Variants in CITED2 observed in about 807,000 individuals in gnomAD.
The protein encoded by CITED2 is cbp/p300-interacting transactivator 2.
In CITED2, 2 loss-of-function variants were observed where a neutral mutation model predicts 11.8. The observed-to-expected ratio is 0.17, with a 90% CI of 0.07 to 0.54. The LOEUF (loss-of-function observed/expected upper bound fraction) is 0.54, where lower values mean the gene tolerates loss of function less well. Ranked by LOEUF, CITED2 falls within the 20% of genes least tolerant of loss-of-function variation. CITED2 has a pLI of 0.94. For synonymous variants in CITED2, 210 were observed against 153.0 expected (o/e 1.37, Z -2.75); for missense variants, 437 against 390.2 (o/e 1.12, Z -1.01).
At chr6:139,374,090 T>C in intron 1 of CITED2, 138 bp from the exon 2 acceptor site, 1 of 1,515,166 alleles carries the variant, frequency 6.6e-7, no homozygotes, top group Non-Finnish European at 8.8e-7. Flanking sequence ...AAGATCCCAC[T>C]AACAGCCTGT....
chr6:139,372,662 C>G lies in CITED2; in HGVS notation c.*470G>C. 1 of 191,264 alleles carries G rather than the reference C, an allele frequency of 5.2e-6. No individual in the cohort carries two copies. The highest frequency in any genetic ancestry group is 1.1e-5 in the Non-Finnish European group (1 of 89,634). The allele number at this position is 191,264 out of a possible 1,614,324, so 11.8% of individuals were successfully genotyped here. Reference sequence around the variant, plus strand: ...CAAATGCATAGTTAAAAAAATGAAGCGAGATGGCAGTTTGTGCAGTAATAT... The same window carrying G: ...CAAATGCATAGTTAAAAAAATGAAGGGAGATGGCAGTTTGTGCAGTAATAT... On this transcript the variant is annotated 3_prime_UTR_variant, in exon 2 of 2. Coordinates refer to ENST00000367651, the MANE Select transcript of CITED2 (RefSeq NM_006079.5).
intron 1 of CITED2, 87 bp from the exon 2 acceptor site, chr6:139,374,039 C>T: frequency 6.5e-7 from 1 of 1,529,454 alleles, no homozygotes. Context: ...CTCTGCCCCC[C>T]AGGATTCCCG....
chr6:139,373,979 G>A (rs752938763), intron 1 of CITED2, 27 bp from the exon 2 acceptor site: 6 of 1,583,184 alleles, frequency 3.8e-6, no homozygotes, highest in Non-Finnish European at 3.4e-6. Context: ...CAGATAATGA[G>A]ACCCGCGCCA....
chr6:139,373,166 A>G lies in CITED2; in HGVS notation c.779T>C (p.Val260Ala). 2 of 1,614,228 alleles carry G rather than the reference A, an allele frequency of 1.2e-6. No homozygotes were observed. The part of the protein sequence containing the change: ...QNEFDFMTDF[V>A]CKQQPSRVSC ...CACTCTGCTGGGCTGCTGTTTGCAC[A>G]CGAAGTCCGTCATAAAATCAAACTC... Residue 260 changes from valine to alanine, a missense_variant, in exon 2 of 2, where the codon GTG becomes GCG. Around this residue, in one of 3 missense-constraint regions of CITED2, gnomAD observed 21 missense variants for 20.5 expected, o/e 1.03. Transcript: ENST00000367651.
chr6:139,373,129 G>A lies in CITED2; in HGVS notation c.*3C>T, dbSNP rs760240926. 1 of 1,613,610 alleles carries A rather than the reference G, an allele frequency of 6.2e-7. No homozygotes were observed. The highest frequency in any genetic ancestry group is 8.5e-7 in the Non-Finnish European group (1 of 1,179,540). ...GATTTCTTTCGCCGGGGTTTCGATC[G>A]AGTCAACAGCTCACTCTGCTGGGCT... On this transcript the variant is annotated 3_prime_UTR_variant, in exon 2 of 2. Transcript: ENST00000367651.
At chr6:139,374,140 A>G in intron 1 of CITED2, 188 bp from the exon 2 acceptor site, 1 of 1,472,340 alleles carries the variant, frequency 6.8e-7, no homozygotes, top group Non-Finnish European at 9.0e-7. Flanking sequence ...ACCACTCATA[A>G]CACAGCCGGA....
rs776765778 is a variant in CITED2 at position 139,373,441 on chromosome 6, G to A, written c.504C>T (p.Gly168=). The A allele has an allele frequency of 2.6e-6, 4 of 1,530,246 alleles. No individual in the cohort carries two copies. Among genetic ancestry groups the A allele is most frequent in the South Asian group, 2.6e-5 (2 of 76,626 alleles). 94.8% of individuals were successfully genotyped at this position (1,530,246 alleles called of 1,614,324 possible). A position where few individuals can be genotyped will look rare whatever the true frequency, so the allele number is the denominator to read the frequency against. The stretch of plus-strand genomic sequence containing the variant: ...CGGGGGTGCTGCTGCCGCCCGAGCC[G>A]CCGGGGGTGCTGCTGCCGCCGCTGT... ...PKHSGGSSTP[G]GSGGSSTPGG... Residue 168 remains glycine, a synonymous_variant, in exon 2 of 2, where the codon GGC becomes GGT. Coordinates refer to ENST00000367651, the MANE Select transcript of CITED2 (RefSeq NM_006079.5).
chr6:139,373,294 G>C lies in CITED2; in HGVS notation c.651C>G (p.Val217=). The change falls in exon 2 of 2, where the codon GTC becomes GTG. Residue 217 remains valine, a synonymous_variant. Transcript: ENST00000367651. ...CCTCGTCGATGAAATCAGTGTCTAT[G>C]ACATTGGGCGGCAGCATTGCAGCGG... The part of the protein sequence containing the change: ...HVPAAMLPPN[V]IDTDFIDEEV... The C allele has an allele frequency of 1.2e-6, 2 of 1,613,842 alleles. No homozygotes were observed. Among genetic ancestry groups the C allele is most frequent in the Non-Finnish European group, 8.5e-7 (1 of 1,180,030 alleles).
Position 139,372,326 on chromosome 6 carries a change from A to T in CITED2, c.*806T>A, listed in dbSNP as rs1778259525. 3 of 152,668 alleles carry T rather than the reference A, an allele frequency of 2.0e-5. No individual in the cohort carries two copies. The South Asian group carries it at 6.2e-4, about 32-fold the overall frequency. The allele number at this position is 152,668 out of a possible 1,614,324, so 9.5% of individuals were successfully genotyped here. On this transcript the variant is annotated 3_prime_UTR_variant, in exon 2 of 2. Transcript: ENST00000367651. ...AATTAACAAGTATTTTTTCAAAAAA[A>T]TGTTTTGTACAAAAATACTGTCAAA...
Position 139,372,674 on chromosome 6 carries a change from T to G in CITED2, c.*458A>C, listed in dbSNP as rs1290113193. 1.0e-5 allele frequency: 2 copies of G among 200,824 alleles called. No individual in the cohort carries two copies. The highest frequency in any genetic ancestry group is 2.1e-5 in the Non-Finnish European group (2 of 95,190). The allele number at this position is 200,824 out of a possible 1,614,324, so 12.4% of individuals were successfully genotyped here. ...TAAAAAAATGAAGCGAGATGGCAGT[T>G]TGTGCAGTAATATCTGCCCTTCGAA... On this transcript the variant is annotated 3_prime_UTR_variant, in exon 2 of 2. Transcript: ENST00000367651.
chr6:139,373,123 T>G lies in CITED2; in HGVS notation c.*9A>C, dbSNP rs558888989. ...GGGTTTGATTTCTTTCGCCGGGGTTTCGATCGAGTCAACAGCTCACTCTGC... is the reference window on the plus strand; with the variant it reads ...GGGTTTGATTTCTTTCGCCGGGGTTGCGATCGAGTCAACAGCTCACTCTGC... On this transcript the variant is annotated 3_prime_UTR_variant, in exon 2 of 2. Coordinates refer to ENST00000367651, the MANE Select transcript of CITED2 (RefSeq NM_006079.5). 1.9e-6 allele frequency: 3 copies of G among 1,613,278 alleles called. No homozygotes were observed.
intron 1 of CITED2, 149 bp downstream of exon 1, chr6:139,374,264 T>C (rs566364282): frequency 7.9e-7 from 1 of 1,265,030 alleles, no homozygotes; most frequent in Non-Finnish European, 1.1e-6. Flanking sequence ...TGCTGCGAAC[T>C]TCAGGCATTA....
In CITED2 at chr6:139,373,034, G is replaced by C; in HGVS notation, c.*98C>G. On this transcript the variant is annotated 3_prime_UTR_variant, in exon 2 of 2. Transcript: ENST00000367651. The stretch of plus-strand genomic sequence containing the variant: ...GTTTCCAAGTTCTCAAACCTTTCAA[G>C]ATCTGAAAAGTGAGATACTGTGTCT... The C allele has an allele frequency of 8.4e-7, 1 of 1,187,066 alleles. No individual in the cohort carries two copies. The highest frequency in any genetic ancestry group is 1.3e-6 in the Non-Finnish European group (1 of 792,620). The allele number at this position is 1,187,066 out of a possible 1,614,324, so 73.5% of individuals were successfully genotyped here.
rs781539667 is a variant in CITED2 at position 139,373,549 on chromosome 6, G to A, written c.396C>T (p.Asn132=). 1 of 1,614,136 alleles carries A rather than the reference G, an allele frequency of 6.2e-7. No individual in the cohort carries two copies. The highest frequency in any genetic ancestry group is 8.5e-7 in the Non-Finnish European group (1 of 1,179,988). ...QYFNHHPYPH[N]HYMPDLHPAA... is the part of the protein sequence containing the mutation. Reference sequence around the variant, plus strand: ...CAGGGTGCAAATCCGGCATGTAGTGGTTGTGGGGGTAGGGGTGATGGTTGA... The same window carrying A: ...CAGGGTGCAAATCCGGCATGTAGTGATTGTGGGGGTAGGGGTGATGGTTGA... Residue 132 remains asparagine (N), a synonymous_variant, in exon 2 of 2, where the codon AAC becomes AAT. Coordinates refer to ENST00000367651, the MANE Select transcript of CITED2 (RefSeq NM_006079.5).
rs1778257970 is a variant in CITED2 at position 139,372,259 on chromosome 6, T to C, written c.*873A>G. The C allele has an allele frequency of 6.6e-6, 1 of 152,648 alleles. No homozygotes were observed. 9.5% of individuals were successfully genotyped at this position (152,648 alleles called of 1,614,324 possible). On this transcript the variant is annotated 3_prime_UTR_variant, in exon 2 of 2. Transcript: ENST00000367651. ...CAAATGACTTCTAGAAAACAAGTTA[T>C]TTCTTAACTTTTTATTGACATTGGC...
In CITED2 at chr6:139,373,998, G is replaced by T. The variant is rs546835204; in HGVS notation, c.-8-46C>A. On this transcript the variant is annotated intron_variant, in intron 1 of 1. Transcript: ENST00000367651. ...TAATGAGACCCGCGCCACACGTGTC[G>T]CCCACCACAGCGCACCCCACTTTTG... 1.1e-4 allele frequency: 169 copies of T among 1,552,802 alleles called. No individual in the cohort carries two copies. The African/African-American group carries it at 2.0e-3, about 19-fold the overall frequency.
At position 139,373,876 on chromosome 6, in the gene CITED2, G is replaced by GTGA; in HGVS notation, c.66_68dup (p.His23dup). 1 of 1,602,392 alleles carries GTGA rather than the reference G, an allele frequency of 6.2e-7. No homozygotes were observed. ...GCCCCATGCCCATGCGGTGGGCAGG[G>GTGA]TGATGGTGCAGCCCATTGGTGCCGT... On this transcript the variant is annotated inframe_insertion, in exon 2 of 2. Coordinates refer to ENST00000367651, the MANE Select transcript of CITED2 (RefSeq NM_006079.5).
intron 1 of CITED2, 75 bp downstream of exon 1, chr6:139,374,338 C>T: frequency 1.6e-6 from 1 of 635,516 alleles, no homozygotes; most frequent in Non-Finnish European, 2.5e-6. Context: ...GCCTCACGCT[C>T]TTCCTCCGGG....
chr6:139,373,967 G>A lies in CITED2; in HGVS notation c.-8-15C>T, dbSNP rs763479847. ...CATTTCCAGTCCTGGAAGTGAAAAG[G>A]GCAGATAATGAGACCCGCGCCACAC... On this transcript the variant is annotated splice_polypyrimidine_tract_variant and intron_variant, in intron 1 of 1. Coordinates refer to ENST00000367651, the MANE Select transcript of CITED2 (RefSeq NM_006079.5). 2.5e-6 allele frequency: 4 copies of A among 1,592,998 alleles called. No individual in the cohort carries two copies. In the South Asian group the frequency reaches 3.3e-5, roughly 13 times the overall value.
Sources: gnomAD v4.1 joint callset for allele counts on GRCh38, gnomAD v4.1.1 for gene constraint, gnomAD v4.1.1 regional missense constraint, MANE v1.5 for transcripts, NCBI Gene and HGNC (gene_info 2026-07-23, HGNC 2026-07-21) for gene names.